The following CDC73 variants were observed in gnomAD, a reference collection of about 807,000 sequenced individuals.
CDC73 encodes cell division cycle 73.
In CDC73, 21 loss-of-function variants were observed where a neutral mutation model predicts 83.7. That is an observed-to-expected ratio of 0.25 (90% CI 0.18 to 0.36). The LOEUF is 0.36. Among genes scored for constraint, CDC73 ranks in the 10% least tolerant of loss-of-function variants. CDC73 has a pLI of 1.00. For missense variants in CDC73, 342 were observed against 653.3 expected, an observed-to-expected ratio of 0.52 and a Z score of 5.19; for synonymous variants, 224 against 212.9, an observed-to-expected ratio of 1.05 and a Z score of -0.45.
chr1:193,181,044 A>C (rs771587183), intron 10 of CDC73: 3 of 1,613,916 alleles, frequency 1.9e-6, no homozygotes, highest in South Asian at 2.2e-5. Context: ...CATTGCCCCA[A>C]GTTTGCCGAA....
At chr1:193,229,652 C>T (rs372341627) in intron 13 of CDC73, among the ~76,000 whole-genome samples, 35 of 152,252 alleles carry the variant, frequency 2.3e-4, no homozygotes, top group East Asian at 9.6e-4. Flanking sequence ...GTATCCTGAA[C>T]GTACTAAGAC....
intron 6 of CDC73, among the ~76,000 whole-genome samples, chr1:193,138,415 G>A (rs1675839861): frequency 6.6e-6 from 1 of 152,172 alleles, no homozygotes; most frequent in South Asian, 2.1e-4. Flanking sequence ...TGCGTTATAA[G>A]CTGAGAAATT....
chr1:193,151,419 A>G (rs1372271612), intron 9 of CDC73, among the ~76,000 whole-genome samples: 1 of 152,202 alleles, frequency 6.6e-6, no homozygotes. Context: ...TACAGCCCCC[A>G]AACTAAATAT....
chr1:193,173,364 C>G (rs1220124724), intron 10 of CDC73, among the ~76,000 whole-genome samples: 1 of 152,120 alleles, frequency 6.6e-6, no homozygotes, highest in South Asian at 2.1e-4. Context: ...CTTATCTGTT[C>G]CACCTCTTCC....
At chr1:193,215,418 C>T (rs928222790) in intron 13 of CDC73, among the ~76,000 whole-genome samples, 2 of 152,066 alleles carry the variant, frequency 1.3e-5, no homozygotes, top group Admixed American at 6.6e-5. Flanking sequence ...CATTTAGTTG[C>T]AGAGCAGGAA....
intron 11 of CDC73, among the ~76,000 whole-genome samples, chr1:193,205,204 C>CT (rs1357811031): frequency 8.2e-6 from 1 of 122,380 alleles, no homozygotes; most frequent in Admixed American, 7.9e-5. Flanking sequence ...GTCCCCCCCC[C>CT]CCCCTTTTTT....
chr1:193,199,822 A>T (rs1677059394), intron 10 of CDC73, among the ~76,000 whole-genome samples: 1 of 152,134 alleles, frequency 6.6e-6, no homozygotes, highest in Non-Finnish European at 1.5e-5. Flanking sequence ...AGGTAAAAGC[A>T]TTCAAGGGTA....
intron 10 of CDC73, among the ~76,000 whole-genome samples, chr1:193,162,446 C>A (rs1254266091): frequency 6.7e-6 from 1 of 149,444 alleles, no homozygotes; most frequent in East Asian, 1.9e-4. Context: ...GATCTCAGCT[C>A]ACTGCAGCCT....
chr1:193,238,032 C>T (rs1388455347), intron 15 of CDC73, among the ~76,000 whole-genome samples: 1 of 151,856 alleles, frequency 6.6e-6, no homozygotes, highest in African/African-American at 2.4e-5. Flanking sequence ...AATGTTTCAA[C>T]AAAAAATGAT....
At chr1:193,146,153 T>C (rs529440093) in intron 7 of CDC73, among the ~76,000 whole-genome samples, 1 of 152,158 alleles carries the variant, frequency 6.6e-6, no homozygotes, top group South Asian at 2.1e-4. Context: ...AGCGACCATG[T>C]CTTTTTTGAT....
intron 7 of CDC73, among the ~76,000 whole-genome samples, chr1:193,146,087 A>G (rs1045457515): frequency 6.6e-6 from 1 of 152,170 alleles, no homozygotes; most frequent in Non-Finnish European, 1.5e-5. Flanking sequence ...AGCCAAGGAA[A>G]CAGAATGCCT....
intron 11 of CDC73, among the ~76,000 whole-genome samples, chr1:193,211,600 G>T (rs1045757614): frequency 3.3e-5 from 5 of 152,184 alleles, no homozygotes; most frequent in Admixed American, 2.6e-4. Context: ...CTTGAAACAA[G>T]CACTGTGATA....
chr1:193,186,385 C>T (rs1198125903), intron 10 of CDC73: 2 of 152,438 alleles, frequency 1.3e-5, no homozygotes, highest in East Asian at 3.9e-4. Flanking sequence ...GCTGTGTTCT[C>T]GTCTCAGTAT....
chr1:193,178,061 A>G (rs1572178120), intron 10 of CDC73, among the ~76,000 whole-genome samples: 1 of 152,326 alleles, frequency 6.6e-6, no homozygotes, highest in South Asian at 2.1e-4. Context: ...GGGATGAAGA[A>G]GACACAGTTA....
intron 6 of CDC73, among the ~76,000 whole-genome samples, chr1:193,139,698 GC>G (rs1049380183): frequency 4.6e-5 from 7 of 152,002 alleles, no homozygotes; most frequent in African/African-American, 1.7e-4. Context: ...ATCATCTTTA[GC>G]TTTTTTTTGG....
At chr1:193,135,615 T>G (rs774763324) in intron 5 of CDC73, 26 bp downstream of exon 5, 3 of 1,506,670 alleles carry the variant, frequency 2.0e-6, no homozygotes, top group Non-Finnish European at 1.8e-6. Context: ...TTTAAACAAT[T>G]TTATTTATAT....
At chr1:193,247,666 AC>A (rs1677977205) in intron 15 of CDC73, among the ~76,000 whole-genome samples, 1 of 152,158 alleles carries the variant, frequency 6.6e-6, no homozygotes, top group African/African-American at 2.4e-5. Context: ...CAGTCGACAC[AC>A]AAATAATAAG....
intron 6 of CDC73, among the ~76,000 whole-genome samples, chr1:193,139,478 C>CT (rs1170995922): frequency 6.6e-6 from 1 of 152,142 alleles, no homozygotes; most frequent in African/African-American, 2.4e-5. Flanking sequence ...CCTACTTCAT[C>CT]TTTTCATTTA....
chr1:193,225,395 T>C (rs915907278), intron 13 of CDC73, among the ~76,000 whole-genome samples: 1 of 152,138 alleles, frequency 6.6e-6, no homozygotes, highest in Non-Finnish European at 1.5e-5. Context: ...TTTTGTATCA[T>C]GACTTCTTTT....
Sources: allele counts gnomAD v4.1 joint callset (sites outside exome capture counted in the v4.1 genomes callset), GRCh38; gene constraint gnomAD v4.1.1; transcripts MANE v1.5; gene names NCBI Gene and HGNC (gene_info 2026-07-23, HGNC 2026-07-21).